The following L3MBTL3 variants were observed in gnomAD, a reference collection of about 807,000 sequenced individuals.
The protein encoded by L3MBTL3 is lethal(3)malignant brain tumor-like protein 3.
In L3MBTL3, 27 loss-of-function variants were observed where a neutral mutation model predicts 102.3. The observed-to-expected ratio is 0.26, with a 90% confidence interval of 0.19 to 0.36. L3MBTL3 has a LOEUF of 0.36. L3MBTL3 is among the 10% of genes least tolerant of loss of function. L3MBTL3 has a pLI of 1.00. For synonymous variants in L3MBTL3, 340 were observed against 320.9 expected, an observed-to-expected ratio of 1.06 and a Z score of -0.64; for missense variants, 798 against 955.3, an observed-to-expected ratio of 0.84 and a Z score of 2.17.
intron 2 of L3MBTL3, among the ~76,000 whole-genome samples, chr6:130,034,218 G>GT (rs1303017085): frequency 1.3e-5 from 2 of 152,052 alleles, no homozygotes; most frequent in Non-Finnish European, 2.9e-5. Context: ...CACACAAACT[G>GT]TTTATCTCTA....
chr6:130,026,544 A>G (rs75300583), intron 2 of L3MBTL3, among the ~76,000 whole-genome samples: 2,090 of 152,256 alleles, frequency 0.014, 43 homozygotes, highest in African/African-American at 0.046. Context: ...CAGGTATAAG[A>G]AAAATAGATG....
At chr6:130,119,298 A>T (rs2115479033) in intron 19 of L3MBTL3, among the ~76,000 whole-genome samples, 1 of 152,340 alleles carries the variant, frequency 6.6e-6, no homozygotes, top group South Asian at 2.1e-4. Context: ...TGATATAGCC[A>T]TCTACAAACT....
intron 3 of L3MBTL3, among the ~76,000 whole-genome samples, chr6:130,044,931 T>G (rs1780635465): frequency 6.6e-6 from 1 of 152,196 alleles, no homozygotes; most frequent in African/African-American, 2.4e-5. Context: ...CTACCTAGGC[T>G]TCTATGTTTC....
intron 18 of L3MBTL3, among the ~76,000 whole-genome samples, 181 bp from the exon 19 acceptor site, chr6:130,104,245 A>G (rs1291056477): frequency 2.0e-5 from 3 of 152,190 alleles, no homozygotes; most frequent in Admixed American, 6.5e-5. Flanking sequence ...CTATTTGTAT[A>G]TATTTGTTAT....
chr6:130,049,486 C>A (rs377364124), intron 4 of L3MBTL3, 93 bp downstream of exon 4: 46 of 866,290 alleles, frequency 5.3e-5, no homozygotes, highest in South Asian at 4.4e-4. Context: ...ACTTTGAAGG[C>A]CCCGGGTAAT....
At chr6:130,056,450 C>T (rs1781516425) in intron 8 of L3MBTL3, among the ~76,000 whole-genome samples, 1 of 152,322 alleles carries the variant, frequency 6.6e-6, no homozygotes, top group South Asian at 2.1e-4. Flanking sequence ...ACTGTCCCGA[C>T]AAACCAGGGC....
At chr6:130,072,275 A>T (rs943525666) in intron 13 of L3MBTL3, among the ~76,000 whole-genome samples, 1 of 152,152 alleles carries the variant, frequency 6.6e-6, no homozygotes, top group African/African-American at 2.4e-5. Flanking sequence ...TGTATTAGGT[A>T]TTATCAGTAA....
At chr6:130,051,522 T>G (rs1781091464) in intron 6 of L3MBTL3, 114 bp downstream of exon 6, 1 of 947,616 alleles carries the variant, frequency 1.1e-6, no homozygotes, top group African/African-American at 1.6e-5. Flanking sequence ...GATACCTTTT[T>G]CCCAGAGACT....
intron 1 of L3MBTL3, among the ~76,000 whole-genome samples, chr6:130,021,249 C>G (rs538178254): frequency 1.3e-5 from 2 of 152,296 alleles, no homozygotes; most frequent in South Asian, 4.1e-4. Flanking sequence ...CTTTTAAGTT[C>G]GGAAGGCCGA....
intron 22 of L3MBTL3, among the ~76,000 whole-genome samples, chr6:130,135,403 T>C (rs9492461): frequency 0.11 from 16,507 of 152,206 alleles, 1,038 homozygotes; most frequent in Non-Finnish European, 0.13. Context: ...TAGAGCCACA[T>C]AGGGAGCTGT....
chr6:130,052,608 C>CT (rs1781177497), intron 6 of L3MBTL3, among the ~76,000 whole-genome samples: 1 of 152,222 alleles, frequency 6.6e-6, no homozygotes, highest in Non-Finnish European at 1.5e-5. Context: ...ATACATATTG[C>CT]TGGCCCCCTT....
rs991496619 is a variant in L3MBTL3, at chr6:130,139,705, C to T, written c.2295C>T (p.Ser765=). The change falls in exon 23 of 23, where the codon TCC becomes TCT. Residue 765 remains serine, a synonymous_variant. Transcript: ENST00000361794. Reference sequence around the variant, plus strand: ...GCCCTGCTCTCAAAATTTTCAATTCCATCCTGATGTTCAAAGCTGCAGAGA... The same window carrying T: ...GCCCTGCTCTCAAAATTTTCAATTCTATCCTGATGTTCAAAGCTGCAGAGA... ...KLGPALKIFN[S]ILMFKAAEKN... The T allele has an allele frequency of 2.5e-6, 4 of 1,612,956 alleles. No individual in the cohort carries two copies. In the African/African-American group the frequency reaches 4.0e-5, roughly 16 times the overall value.
At chr6:130,120,261 C>G (rs1381868645) in intron 19 of L3MBTL3, among the ~76,000 whole-genome samples, 1 of 152,034 alleles carries the variant, frequency 6.6e-6, no homozygotes, top group African/African-American at 2.4e-5. Flanking sequence ...CGTTTTTGCC[C>G]TTGACATAAG....
intron 19 of L3MBTL3, among the ~76,000 whole-genome samples, chr6:130,112,594 A>G (rs1030337196): frequency 3.3e-5 from 5 of 152,206 alleles, no homozygotes; most frequent in Admixed American, 6.5e-5. Flanking sequence ...AAAGAAATGG[A>G]TGAGGCTGCC....
intron 14 of L3MBTL3, among the ~76,000 whole-genome samples, chr6:130,081,577 C>T (rs1016873483): frequency 7.5e-6 from 1 of 134,094 alleles, no homozygotes; most frequent in Non-Finnish European, 1.6e-5. Context: ...TGTTACCACA[C>T]CTGGCTATTT....
intron 19 of L3MBTL3, among the ~76,000 whole-genome samples, chr6:130,105,592 A>C (rs902624749): frequency 1.1e-4 from 15 of 142,076 alleles, no homozygotes; most frequent in Admixed American, 1.1e-3. Flanking sequence ...ACTGCACTTC[A>C]GCCTGGGTGA....
chr6:130,075,244 T>C (rs1257765279), intron 13 of L3MBTL3, among the ~76,000 whole-genome samples: 2 of 151,986 alleles, frequency 1.3e-5, no homozygotes, highest in Non-Finnish European at 2.9e-5. Flanking sequence ...AACCAACCAC[T>C]TGGAGGGGTG....
intron 20 of L3MBTL3, among the ~76,000 whole-genome samples, chr6:130,129,561 G>A (rs1786864853): frequency 6.6e-6 from 1 of 152,130 alleles, no homozygotes; most frequent in Non-Finnish European, 1.5e-5. Context: ...TACTCACTGT[G>A]GAAGCACACA....
intron 18 of L3MBTL3, among the ~76,000 whole-genome samples, chr6:130,097,346 G>A (rs1480350055): frequency 6.6e-6 from 1 of 152,168 alleles, no homozygotes; most frequent in Admixed American, 6.5e-5. Flanking sequence ...GAAACTGCAT[G>A]TATCAAAACA....
Sources: gnomAD v4.1 joint callset for allele counts (sites outside exome capture counted in the v4.1 genomes callset) on GRCh38, gnomAD v4.1.1 for gene constraint, MANE v1.5 for transcripts, NCBI Gene and HGNC (gene_info 2026-07-23, HGNC 2026-07-21) for gene names.